Variants in KCNK2 observed in about 807,000 individuals in gnomAD.
KCNK2 encodes potassium two pore domain channel subfamily K member 2.
A neutral mutation model predicts 40.5 loss-of-function variants in KCNK2; 21 were observed. The ratio of observed to expected loss-of-function variants is 0.52; its 90% confidence interval spans 0.37 to 0.75. The LOEUF is 0.75. KCNK2 is among the 30% of genes least tolerant of loss of function. KCNK2 has a pLI of 0.00. For synonymous variants in KCNK2, 191 were observed against 202.2 expected, an observed-to-expected ratio of 0.94 and a Z score of 0.47; for missense variants, 399 against 531.6, an observed-to-expected ratio of 0.75 and a Z score of 2.45.
intron 1 of KCNK2, among the ~76,000 whole-genome samples, chr1:215,034,784 T>A (rs149038206): frequency 2.5e-3 from 382 of 152,248 alleles, no homozygotes; most frequent in African/African-American, 8.8e-3. Context: ...TATTGCTTTA[T>A]CTTTGGACAG....
chr1:215,217,223 T>A (rs574123380), intron 6 of KCNK2, among the ~76,000 whole-genome samples: 11 of 152,260 alleles, frequency 7.2e-5, no homozygotes, highest in African/African-American at 2.6e-4. Context: ...TTGCTATAAA[T>A]GTCCACCACC....
rs1489001504 is a variant in KCNK2 at position 215,013,851 on chromosome 1, C to T, written c.34+7896C>T. On this transcript the variant is annotated intron_variant, in intron 1 of 6. Coordinates refer to the KCNK2 transcript ENST00000391895. ...TTTAGGTTTTCTATATCAATCATGACATCTATGAATAGGATAATTTTATTT... is the reference window on the plus strand; with the variant it reads ...TTTAGGTTTTCTATATCAATCATGATATCTATGAATAGGATAATTTTATTT... Among the ~76,000 whole-genome samples, 7 of 152,262 alleles carry T rather than the reference C, an allele frequency of 4.6e-5. No homozygotes were observed. In the East Asian group the frequency reaches 9.6e-4, roughly 21 times the overall value.
chr1:215,124,756 A>T lies in KCNK2; in HGVS notation c.475+6A>T, dbSNP rs770871120. On this transcript the variant is annotated splice_donor_region_variant and intron_variant, in intron 3 of 6. Coordinates refer to ENST00000444842, the MANE Select transcript of KCNK2 (RefSeq NM_001017425.3). ...CACTGTTATTACAACCATAGGTAGG[A>T]GACAACTTATTTTTGTTTTTTGTTT... is the stretch of plus-strand genomic sequence containing the variant. 6.6e-7 allele frequency: 1 copy of T among 1,522,874 alleles called. No homozygotes were observed. Among genetic ancestry groups the T allele is most frequent in the South Asian group, 1.1e-5 (1 of 88,860 alleles). The allele number at this position is 1,522,874 out of a possible 1,614,324, so 94.3% of individuals were successfully genotyped here.
intron 1 of KCNK2, among the ~76,000 whole-genome samples, chr1:215,007,019 A>ATGTGTGTGTG (rs1656153727): frequency 2.9e-4 from 7 of 24,300 alleles, no homozygotes; most frequent in African/African-American, 5.7e-4. Context: ...ATATATATAT[A>ATGTGTGTGTG]TATATATATA....
At chr1:215,225,571 A>C (rs138002775) in intron 6 of KCNK2, among the ~76,000 whole-genome samples, 38 of 152,316 alleles carry the variant, frequency 2.5e-4, no homozygotes, top group Non-Finnish European at 1.3e-4. Context: ...CTTTATAAGA[A>C]AGTTCCAGAA....
At chr1:215,190,213 A>G (rs1664612955) in intron 5 of KCNK2, among the ~76,000 whole-genome samples, 1 of 152,134 alleles carries the variant, frequency 6.6e-6, no homozygotes. Context: ...AGCATCGAAG[A>G]GGGCCGATGG....
intron 1 of KCNK2, among the ~76,000 whole-genome samples, chr1:215,016,191 A>G (rs1354794580): frequency 6.6e-6 from 1 of 152,196 alleles, no homozygotes; most frequent in East Asian, 1.9e-4. Context: ...CACTAAAGAG[A>G]GGATTAATGA....
intron 6 of KCNK2, among the ~76,000 whole-genome samples, chr1:215,230,294 T>G (rs1413727250): frequency 6.7e-6 from 1 of 150,246 alleles, no homozygotes; most frequent in Admixed American, 6.6e-5. Context: ...AGGCTACAAA[T>G]CTTTACGGCA....
At chr1:215,119,101 A>G (rs778794396) in intron 2 of KCNK2, among the ~76,000 whole-genome samples, 4 of 152,162 alleles carry the variant, frequency 2.6e-5, no homozygotes, top group African/African-American at 4.8e-5. Context: ...CAAAATTGCT[A>G]AATTCCCTAT....
chr1:215,047,671 C>T (rs1229289479), intron 1 of KCNK2, among the ~76,000 whole-genome samples: 1 of 152,100 alleles, frequency 6.6e-6, no homozygotes, highest in Non-Finnish European at 1.5e-5. Context: ...ATTTGCCAAG[C>T]TTCTGAAAAT....
intron 1 of KCNK2, among the ~76,000 whole-genome samples, chr1:215,066,168 G>A (rs1474147401): frequency 6.6e-6 from 1 of 152,116 alleles, no homozygotes; most frequent in Non-Finnish European, 1.5e-5. Context: ...TAATGCAGGT[G>A]ACGGGTTGAT....
At chr1:215,096,634 T>C (rs1659988375) in intron 2 of KCNK2, among the ~76,000 whole-genome samples, 1 of 152,002 alleles carries the variant, frequency 6.6e-6, no homozygotes, top group Non-Finnish European at 1.5e-5. Context: ...CCTCGCACAG[T>C]GGCTGTTTGT....
intron 2 of KCNK2, among the ~76,000 whole-genome samples, chr1:215,122,136 A>G (rs1030935498): frequency 2.0e-5 from 3 of 152,182 alleles, no homozygotes; most frequent in African/African-American, 7.2e-5. Context: ...TATATGGTAT[A>G]TATAATCAGT....
intron 2 of KCNK2, among the ~76,000 whole-genome samples, chr1:215,100,252 G>A (rs557483963): frequency 2.0e-5 from 3 of 152,102 alleles, no homozygotes; most frequent in East Asian, 1.9e-4. Context: ...GGGTAACAGT[G>A]TGGTCAGGAT....
intron 6 of KCNK2, among the ~76,000 whole-genome samples, chr1:215,222,805 A>G (rs1666234775): frequency 6.6e-6 from 1 of 152,024 alleles, no homozygotes; most frequent in Non-Finnish European, 1.5e-5. Context: ...GCACAGTTCA[A>G]CAATACAATG....
chr1:215,089,347 G>A (rs1354027164), intron 2 of KCNK2, among the ~76,000 whole-genome samples: 1 of 152,278 alleles, frequency 6.6e-6, no homozygotes, highest in South Asian at 2.1e-4. Flanking sequence ...AACAGTTGGA[G>A]TAGTTAGCAT....
intron 1 of KCNK2, among the ~76,000 whole-genome samples, chr1:215,015,671 C>T (rs1656561028): frequency 6.6e-6 from 1 of 152,136 alleles, no homozygotes; most frequent in African/African-American, 2.4e-5. Context: ...TTGACTCCCT[C>T]TCAGTTGACA....
At chr1:215,065,390 T>C (rs1658502634) in intron 1 of KCNK2, among the ~76,000 whole-genome samples, 1 of 134,878 alleles carries the variant, frequency 7.4e-6, no homozygotes, top group Admixed American at 7.8e-5. Flanking sequence ...TCTTTAGCCT[T>C]ACCCAAATAT....
Position 215,049,561 on chromosome 1 carries a change from C to G in KCNK2, c.35-36807C>G, listed in dbSNP as rs963018053. On this transcript the variant is annotated intron_variant, in intron 1 of 6. Coordinates refer to the KCNK2 transcript ENST00000391895. ...TGCTTTTTGTGTCAAGTCAAATAAC[C>G]CTTTTCATGGCTCTAGGTCTTAGAG... Among the ~76,000 whole-genome samples, 53 of 151,986 alleles carry G rather than the reference C, an allele frequency of 3.5e-4. 1 individual carries two copies. The highest frequency in any genetic ancestry group is 1.5e-4 in the Non-Finnish European group (10 of 67,980).
Sources: gnomAD v4.1 joint callset for allele counts (sites outside exome capture counted in the v4.1 genomes callset) on GRCh38, gnomAD v4.1.1 for gene constraint, MANE v1.5 for transcripts, NCBI Gene and HGNC (gene_info 2026-07-23, HGNC 2026-07-21) for gene names.